The following FAM50B variants were observed in gnomAD, a reference collection of about 807,000 sequenced individuals.
The protein encoded by FAM50B is protein FAM50B.
A neutral mutation model predicts 25.4 loss-of-function variants in FAM50B; 9 were observed. The ratio of observed to expected loss-of-function variants is 0.35; its 90% CI spans 0.21 to 0.62. The LOEUF (loss-of-function observed/expected upper bound fraction) is 0.62. Ranked by LOEUF, FAM50B falls within the 20% of genes least tolerant of loss-of-function variation. The pLI is 0.73. For missense variants in FAM50B, 372 were observed against 477.9 expected, an observed-to-expected ratio of 0.78 and a Z score of 2.07; for synonymous variants, 212 against 204.3, an observed-to-expected ratio of 1.04 and a Z score of -0.32.
chr6:3,842,709 C>A, the FAM50B span, among the ~76,000 whole-genome samples: 1 of 152,228 alleles, frequency 6.6e-6, no homozygotes, highest in African/African-American at 2.4e-5. Context: ...ACACTCGCTA[C>A]CTTCACCCAG....
At chr6:3,843,304 T>G in the FAM50B span, among the ~76,000 whole-genome samples, 2 of 152,202 alleles carry the variant, frequency 1.3e-5, no homozygotes, top group Admixed American at 1.3e-4. Flanking sequence ...CTGGAGGTGG[T>G]TGCCTCCAGG....
At chr6:3,832,484 A>C in the FAM50B span, among the ~76,000 whole-genome samples, 1 of 152,200 alleles carries the variant, frequency 6.6e-6, no homozygotes, top group Non-Finnish European at 1.5e-5. Flanking sequence ...CACGCTGAGA[A>C]TGCCTCTTCT....
Position 3,849,791 on chromosome 6 carries a change from C to T in FAM50B, c.-21C>T. On this transcript the variant is annotated splice_region_variant and 5_prime_UTR_variant, in exon 2 of 2. Transcript: ENST00000648326. ...CGCGTTTTTCCTCTTTGCTGCAGAG[C>T]CCATCGGGTAGGCGCGGGCCATGGC... 1 of 1,585,452 alleles carries T rather than the reference C, an allele frequency of 6.3e-7. No individual in the cohort carries two copies. Among genetic ancestry groups the T allele is most frequent in the Non-Finnish European group, 8.6e-7 (1 of 1,163,946 alleles).
At chr6:3,844,627 C>T (rs549139116), upstream of FAM50B, among the ~76,000 whole-genome samples, 3 of 152,140 alleles carry the variant, frequency 2.0e-5, no homozygotes, top group South Asian at 6.2e-4. Flanking sequence ...AGGAGAATCA[C>T]TTGAACCCAG....
chr6:3,845,886 T>C (rs933600840), upstream of FAM50B, among the ~76,000 whole-genome samples: 2 of 151,960 alleles, frequency 1.3e-5, no homozygotes, highest in African/African-American at 2.4e-5. Flanking sequence ...CAGCTAATTT[T>C]TTTTATTTTT....
the FAM50B span, among the ~76,000 whole-genome samples, chr6:3,833,337 C>T: frequency 2.6e-4 from 39 of 152,280 alleles, no homozygotes; most frequent in Non-Finnish European, 5.4e-4. Flanking sequence ...GCAAGACATA[C>T]ACCTCTTGGA....
At chr6:3,837,254 T>G in the FAM50B span, among the ~76,000 whole-genome samples, 2 of 152,126 alleles carry the variant, frequency 1.3e-5, no homozygotes, top group Non-Finnish European at 2.9e-5. Context: ...AATTAAAAAT[T>G]TTACTCTGCA....
Position 3,849,440 on chromosome 6 carries a change from T to C in FAM50B, c.-70T>C. On this transcript the variant is annotated 5_prime_UTR_variant, in exon 1 of 2. Transcript: ENST00000648326. ...GGCCTCTGCTCGTGGGTGGTTCTCG[T>C]GGAGGTCAGCTCCCGCGTGTCTCCG... The C allele has an allele frequency of 5.1e-6, 1 of 196,544 alleles. No individual in the cohort carries two copies. The highest frequency in any genetic ancestry group is 1.2e-4 in the South Asian group (1 of 8,354). 12.2% of individuals were successfully genotyped at this position (196,544 alleles called of 1,614,324 possible). A position where few individuals can be genotyped will look rare whatever the true frequency, so the allele number is the denominator to read the frequency against.
upstream of FAM50B, among the ~76,000 whole-genome samples, chr6:3,847,442 C>G (rs1399890031): frequency 6.6e-6 from 1 of 152,234 alleles, no homozygotes; most frequent in East Asian, 1.9e-4. Context: ...ATGAACCAAC[C>G]TCTGCTACCT....
chr6:3,841,069 C>CA, the FAM50B span, among the ~76,000 whole-genome samples: 1 of 152,148 alleles, frequency 6.6e-6, no homozygotes, highest in African/African-American at 2.4e-5. Flanking sequence ...GTGCTTCTAA[C>CA]AAAAAATACA....
chr6:3,834,298 T>C, the FAM50B span, among the ~76,000 whole-genome samples: 1 of 147,982 alleles, frequency 6.8e-6, no homozygotes, highest in East Asian at 2.0e-4. Flanking sequence ...AAGCAAAGAC[T>C]GTCAGCTTTG....
chr6:3,836,970 G>A, the FAM50B span, among the ~76,000 whole-genome samples: 2 of 152,152 alleles, frequency 1.3e-5, no homozygotes, highest in Admixed American at 6.5e-5. Context: ...CTTCGTGCAG[G>A]CTTTTGGAAA....
chr6:3,850,804 A>G lies in FAM50B; in HGVS notation c.*15A>G, dbSNP rs765188202. The G allele has an allele frequency of 1.9e-6, 3 of 1,609,690 alleles. No individual in the cohort carries two copies. In the Admixed American group the frequency reaches 5.0e-5, roughly 27 times the overall value. On this transcript the variant is annotated 3_prime_UTR_variant, in exon 2 of 2. Transcript: ENST00000648326. ...CCATCCGCTAACACCCGCCTGCCAG[A>G]GCGGAAACCGGGGGTGGGGGGAGAC...
Position 3,850,407 on chromosome 6 carries a change from G to A in FAM50B, c.596G>A (p.Arg199His), listed in dbSNP as rs758394904. ...TACTGGGACGGCTCGGGCCACCGGC[G>A]CACGGTGCGGGTGCGCAAGGGCAAC... is the stretch of plus-strand genomic sequence containing the variant. ...FSYWDGSGHR[R>H]TVRVRKGNTV... Residue 199 changes from arginine to histidine, a missense_variant, in exon 2 of 2, where the codon CGC (arginine) becomes CAC (histidine). Arg to His is a conservative substitution (Grantham distance 29). Coordinates refer to ENST00000648326, the MANE Select transcript of FAM50B (RefSeq NM_012135.3). 7 of 1,613,332 alleles carry A rather than the reference G, an allele frequency of 4.3e-6. No homozygotes were observed. Among genetic ancestry groups the A allele is most frequent in the Non-Finnish European group, 5.9e-6 (7 of 1,179,930 alleles).
At chr6:3,846,210 T>C (rs2326365), upstream of FAM50B, among the ~76,000 whole-genome samples, 29,669 of 152,078 alleles carry the variant, frequency 0.2, 3,562 homozygotes, top group South Asian at 0.31. Flanking sequence ...GGATATTGTA[T>C]AGAAGTTAGA....
the FAM50B span, among the ~76,000 whole-genome samples, chr6:3,840,679 G>T: frequency 1.3e-5 from 2 of 152,202 alleles, no homozygotes; most frequent in Admixed American, 1.3e-4. Flanking sequence ...CTCACAGGGT[G>T]CAGTGGGTGC....
chr6:3,844,490 C>T (rs923105975), upstream of FAM50B, among the ~76,000 whole-genome samples: 2 of 152,192 alleles, frequency 1.3e-5, no homozygotes, highest in African/African-American at 4.8e-5. Flanking sequence ...GAGGGCAGAT[C>T]ACCTGAGGTC....
At chr6:3,839,265 T>TAA in the FAM50B span, among the ~76,000 whole-genome samples, 1 of 151,904 alleles carries the variant, frequency 6.6e-6, no homozygotes, top group Non-Finnish European at 1.5e-5. Flanking sequence ...AGCCTCTTTT[T>TAA]AACAACCAAC....
At chr6:3,838,544 A>G in the FAM50B span, among the ~76,000 whole-genome samples, 1 of 151,930 alleles carries the variant, frequency 6.6e-6, no homozygotes, top group African/African-American at 2.4e-5. Flanking sequence ...CTCTGTCTGT[A>G]TTAAAAATAC....
Sources: gnomAD v4.1 joint callset for allele counts (sites outside exome capture counted in the v4.1 genomes callset) on GRCh38, gnomAD v4.1.1 for gene constraint, MANE v1.5 for transcripts, NCBI Gene and HGNC (gene_info 2026-07-23, HGNC 2026-07-21) for gene names.